The following MYH9 variants were observed in gnomAD, a reference collection of about 807,000 sequenced individuals.
MYH9 encodes myosin heavy chain 9, also known as myosin-9.
Under a neutral mutation model 241.9 loss-of-function variants are expected in MYH9, and 29 were observed. That is an observed-to-expected ratio of 0.12 (90% confidence interval 0.09 to 0.16). The LOEUF (loss-of-function observed/expected upper bound fraction) is 0.16. Ranked by LOEUF, MYH9 falls within the 10% of genes least tolerant of loss-of-function variation. The pLI is 1.00. For missense variants in MYH9, 1,803 were observed against 2,595.5 expected (o/e 0.69, Z 6.63); for synonymous variants, 1,047 against 1,062.6 (o/e 0.99, Z 0.29).
chr22:36,377,637 C>T (rs987298535), intron 1 of MYH9, among the ~76,000 whole-genome samples: 2 of 152,082 alleles, frequency 1.3e-5, no homozygotes, highest in African/African-American at 2.4e-5. Flanking sequence ...TGGCCGGGTG[C>T]GGTGGCTCAC....
chr22:36,338,443 C>T (rs573745388), intron 3 of MYH9, among the ~76,000 whole-genome samples: 7 of 152,296 alleles, frequency 4.6e-5, no homozygotes, highest in Admixed American at 2.6e-4. Flanking sequence ...AATTCCTGCA[C>T]GGACTGCTTT....
chr22:36,338,646 C>T (rs965290054), intron 3 of MYH9, among the ~76,000 whole-genome samples: 1 of 151,764 alleles, frequency 6.6e-6, no homozygotes, highest in South Asian at 2.1e-4. Flanking sequence ...GGTGAAACCC[C>T]GTCTCTACTA....
chr22:36,380,434 C>T (rs1016130640), intron 1 of MYH9, among the ~76,000 whole-genome samples: 1 of 152,076 alleles, frequency 6.6e-6, no homozygotes, highest in Admixed American at 6.6e-5. Flanking sequence ...ATGCAATGAC[C>T]CCAAGTTAAA....
chr22:36,356,950 G>A (rs1045981101), intron 1 of MYH9, among the ~76,000 whole-genome samples: 1 of 152,248 alleles, frequency 6.6e-6, no homozygotes. Context: ...TGTGGCCTTC[G>A]GCCGGTGCCA....
At chr22:36,311,942 TCA>T in intron 14 of MYH9, 105 bp downstream of exon 14, 1 of 1,363,612 alleles carries the variant, frequency 7.3e-7, no homozygotes, top group Non-Finnish European at 1.0e-6. Context: ...CGTACTCAGG[TCA>T]CACCCCTGCG....
At chr22:36,289,454 C>T (rs1305426930) in intron 31 of MYH9, among the ~76,000 whole-genome samples, 157 bp from the exon 32 acceptor site, 1 of 152,258 alleles carries the variant, frequency 6.6e-6, no homozygotes, top group East Asian at 1.9e-4. Context: ...CAGGACAATA[C>T]ACACAGTCCC....
chr22:36,298,296 C>T (rs1297438248), intron 24 of MYH9, among the ~76,000 whole-genome samples: 3 of 152,134 alleles, frequency 2.0e-5, no homozygotes, highest in African/African-American at 7.2e-5. Context: ...GGTCCTCAGA[C>T]AGCCACGGAC....
At position 36,281,573 on chromosome 22, in the gene MYH9, A is replaced by G. The variant is rs2016489352; in HGVS notation, c.*1095T>C. ...CATATACAAAACAGTTAGGAATACA[A>G]GTAAATTCGGCAACCAGTGTAGACC... On this transcript the variant is annotated 3_prime_UTR_variant, in exon 41 of 41. Transcript: ENST00000216181. 1 of 229,840 alleles carries G rather than the reference A, an allele frequency of 4.4e-6. No homozygotes were observed. Among genetic ancestry groups the G allele is most frequent in the Non-Finnish European group, 8.6e-6 (1 of 115,724 alleles). The allele number at this position is 229,840 out of a possible 1,614,324, so 14.2% of individuals were successfully genotyped here.
intron 1 of MYH9, among the ~76,000 whole-genome samples, chr22:36,354,745 T>C (rs2017825389): frequency 6.6e-6 from 1 of 151,796 alleles, no homozygotes; most frequent in Non-Finnish European, 1.5e-5. Context: ...CACCCGGCCG[T>C]AGTGTACCAC....
At chr22:36,298,828 C>T (rs2016828751) in intron 24 of MYH9, 91 bp downstream of exon 24, 3 of 1,581,480 alleles carry the variant, frequency 1.9e-6, no homozygotes, top group Non-Finnish European at 1.7e-6. Context: ...GCTGAGAAGG[C>T]CTCGGTGTTC....
chr22:36,282,863 A>C (rs2016516023), intron 40 of MYH9, 78 bp from the exon 41 acceptor site: 791 of 1,271,592 alleles, frequency 6.2e-4, no homozygotes, highest in Non-Finnish European at 7.8e-4. Flanking sequence ...CACACATCTC[A>C]AAGTGAATTC....
chr22:36,297,934 T>A (rs5756133), intron 24 of MYH9, among the ~76,000 whole-genome samples: 70,531 of 152,024 alleles, frequency 0.46, 20,060 homozygotes, highest in Non-Finnish European at 0.65. Flanking sequence ...CAGCTCCGTG[T>A]CTATGTTAGC....
chr22:36,283,321 G>C (rs1245998513), intron 40 of MYH9, among the ~76,000 whole-genome samples: 1 of 152,106 alleles, frequency 6.6e-6, no homozygotes, highest in Non-Finnish European at 1.5e-5. Context: ...TGGAGCACCT[G>C]AGGTCAGGAG....
At chr22:36,386,968 C>T (rs1441945168) in intron 1 of MYH9, among the ~76,000 whole-genome samples, 1 of 152,256 alleles carries the variant, frequency 6.6e-6, no homozygotes, top group Non-Finnish European at 1.5e-5. Context: ...CCGCACCCCG[C>T]CCAGACGGGA....
At chr22:36,322,319 C>T in intron 6 of MYH9, 110 bp downstream of exon 6, 1 of 1,219,568 alleles carries the variant, frequency 8.2e-7, no homozygotes, top group Non-Finnish European at 1.2e-6. Flanking sequence ...AGCACCGAGT[C>T]TGAACCGTCC....
At position 36,330,127 on chromosome 22, in the gene MYH9, G is replaced by A. The variant is rs185380822; in HGVS notation, c.491-2639C>T. 7.0e-4 allele frequency among the ~76,000 whole-genome samples: 106 copies of A among 152,272 alleles called. No individual in the cohort carries two copies. The highest frequency in any genetic ancestry group is 2.2e-3 in the African/African-American group (91 of 41,556). On this transcript the variant is annotated intron_variant, in intron 3 of 40. Transcript: ENST00000216181. The surrounding 1 kb of genome is among the most constrained non-coding windows in gnomAD (Gnocchi z 4.5). Reference sequence around the variant, plus strand: ...TTCAGTGTCTCCTCTCCATCCACCCGAGCGTCCCTAGCTCTCCCACTTCTC... The same window carrying A: ...TTCAGTGTCTCCTCTCCATCCACCCAAGCGTCCCTAGCTCTCCCACTTCTC...
At chr22:36,313,090 CA>C (rs66519203) in intron 13 of MYH9, among the ~76,000 whole-genome samples, 13 of 142,182 alleles carry the variant, frequency 9.1e-5, no homozygotes, top group South Asian at 2.3e-4. Context: ...AAATCTGTCT[CA>C]AAAAAAAAAA....
At position 36,293,958 on chromosome 22, in the gene MYH9, A is replaced by G. The variant is rs1219604045; in HGVS notation, c.3838-95T>C. On this transcript the variant is annotated intron_variant, in intron 28 of 40. Coordinates refer to ENST00000216181, the MANE Select transcript of MYH9 (RefSeq NM_002473.6). The surrounding 1 kb of genome is among the most constrained non-coding windows in gnomAD (Gnocchi z 5.1). ...TTAGGTAAAGCTGGACCTGAGTCAC[A>G]AGCTGAACCATGAGGGTCTGAGGAG... is the stretch of plus-strand genomic sequence containing the variant. 3 of 1,459,868 alleles carry G rather than the reference A, an allele frequency of 2.1e-6. No homozygotes were observed. The South Asian group carries it at 3.5e-5, about 17-fold the overall frequency. 90.4% of individuals were successfully genotyped at this position (1,459,868 alleles called of 1,614,324 possible).
rs143152734 is a variant in MYH9, at chr22:36,300,359, G to A, written c.2839-95C>T. ...CCGAAGGCCAGATCCAAACGCCAAG[G>A]AGAAAATAGCAAGGTCTGTGAGCCC... On this transcript the variant is annotated intron_variant, in intron 22 of 40. Transcript: ENST00000216181. This position sits in a 1 kb window ranked among gnomAD's most constrained non-coding sequence, Gnocchi z 5.0. 7 of 1,560,958 alleles carry A rather than the reference G, an allele frequency of 4.5e-6. No individual in the cohort carries two copies. The highest frequency in any genetic ancestry group is 2.2e-5 in the East Asian group (1 of 44,582).
Sources: allele counts gnomAD v4.1 joint callset (sites outside exome capture counted in the v4.1 genomes callset), GRCh38; gene constraint gnomAD v4.1.1; non-coding constraint Gnocchi (gnomAD v3.1); transcripts MANE v1.5; gene names NCBI Gene and HGNC (gene_info 2026-07-23, HGNC 2026-07-21).